Variants in FERMT2 observed in about 807,000 individuals in gnomAD.
FERMT2 encodes fermitin family homolog 2.
A neutral mutation model predicts 82.7 loss-of-function variants in FERMT2; 15 were observed. The ratio of observed to expected loss-of-function variants is 0.18; its 90% CI spans 0.12 to 0.28. The LOEUF (loss-of-function observed/expected upper bound fraction) is 0.28. Among genes scored for constraint, FERMT2 ranks in the 10% least tolerant of loss-of-function variants. The pLI is 1.00. For synonymous variants in FERMT2, 274 were observed against 271.5 expected (o/e 1.01, Z -0.09); for missense variants, 645 against 809.4 (o/e 0.80, Z 2.46).
rs1374258378 is a variant in FERMT2, at chr14:52,858,203, A to G, written c.*174T>C. 6.9e-6 allele frequency: 4 copies of G among 579,880 alleles called. No homozygotes were observed. Among genetic ancestry groups the G allele is most frequent in the Middle Eastern group, 4.5e-4 (1 of 2,200 alleles). The allele number at this position is 579,880 out of a possible 1,614,324, so 35.9% of individuals were successfully genotyped here. On this transcript the variant is annotated 3_prime_UTR_variant, in exon 15 of 15. Transcript: ENST00000341590. ...TTCAAGTTTATTATATCATAACATGATAGATTAATAGTCGTGCTTGTTTAG... is the reference window on the plus strand; with the variant it reads ...TTCAAGTTTATTATATCATAACATGGTAGATTAATAGTCGTGCTTGTTTAG...
chr14:52,933,392 A>G (rs1177750300), intron 2 of FERMT2, among the ~76,000 whole-genome samples: 1 of 152,086 alleles, frequency 6.6e-6, no homozygotes, highest in Non-Finnish European at 1.5e-5. Flanking sequence ...AAACTTGATC[A>G]GTTTATTTGT....
intron 4 of FERMT2, among the ~76,000 whole-genome samples, chr14:52,888,683 G>A (rs944643166): frequency 2.6e-5 from 4 of 152,026 alleles, no homozygotes; most frequent in Non-Finnish European, 5.9e-5. Flanking sequence ...TATGCATACC[G>A]GTCTTCACCT....
chr14:52,944,113 G>A (rs907672359), intron 2 of FERMT2, among the ~76,000 whole-genome samples: 4 of 152,098 alleles, frequency 2.6e-5, no homozygotes, highest in African/African-American at 9.7e-5. Flanking sequence ...CTTGAGTACT[G>A]TCCTCCACTT....
At chr14:52,906,956 G>C (rs867458451) in intron 3 of FERMT2, among the ~76,000 whole-genome samples, 2 of 137,762 alleles carry the variant, frequency 1.5e-5, no homozygotes, top group African/African-American at 2.7e-5. Flanking sequence ...TGGGGGGGGG[G>C]GGGGAATTTA....
At chr14:52,894,334 A>G (rs1887130434) in intron 3 of FERMT2, among the ~76,000 whole-genome samples, 1 of 152,242 alleles carries the variant, frequency 6.6e-6, no homozygotes, top group Non-Finnish European at 1.5e-5. Flanking sequence ...CAATTTTGTT[A>G]AGAAGTCAAT....
intron 12 of FERMT2, among the ~76,000 whole-genome samples, chr14:52,864,091 A>G (rs1183946719): frequency 6.6e-6 from 1 of 152,124 alleles, no homozygotes; most frequent in Non-Finnish European, 1.5e-5. Context: ...TCTTGGGACC[A>G]GAAGTATTTT....
At chr14:52,948,770 C>T (rs1207047022) in intron 2 of FERMT2, among the ~76,000 whole-genome samples, 2 of 152,100 alleles carry the variant, frequency 1.3e-5, no homozygotes, top group South Asian at 2.1e-4. Flanking sequence ...GCCTGGCTTT[C>T]GAGAACTACA....
chr14:52,878,746 C>G, intron 6 of FERMT2, 57 bp from the exon 7 acceptor site: 3 of 884,240 alleles, frequency 3.4e-6, no homozygotes, highest in Non-Finnish European at 5.1e-6. Flanking sequence ...TGAAAAATTT[C>G]AAACTCTGAA....
chr14:52,881,000 G>T, intron 6 of FERMT2, 36 bp downstream of exon 6: 2 of 1,338,188 alleles, frequency 1.5e-6, no homozygotes. Flanking sequence ...ACAAATTAAT[G>T]GGGAAAAAAA....
intron 7 of FERMT2, among the ~76,000 whole-genome samples, chr14:52,877,574 C>CTTTTTGTTTTTTTTTTTTT (rs1886041565): frequency 1.5e-5 from 1 of 67,062 alleles, no homozygotes; most frequent in Non-Finnish European, 2.5e-5. Context: ...GCTGTTCTTG[C>CTTTTTGTTTTTTTTTTTTT]TTTTTTTTTT....
chr14:52,881,739 A>G, intron 4 of FERMT2: 1 of 1,328,896 alleles, frequency 7.5e-7, no homozygotes. Context: ...GAAAATAAGG[A>G]TATAGCTGAA....
intron 13 of FERMT2, chr14:52,860,131 C>T: frequency 2.0e-6 from 1 of 505,252 alleles, no homozygotes; most frequent in African/African-American, 2.0e-5. Flanking sequence ...GTGCTATTCT[C>T]TTAGTAGTAA....
At chr14:52,906,955 G>GC (rs1214907237) in intron 3 of FERMT2, among the ~76,000 whole-genome samples, 1 of 141,698 alleles carries the variant, frequency 7.1e-6, no homozygotes, top group African/African-American at 2.6e-5. Flanking sequence ...TTGGGGGGGG[G>GC]GGGGGAATTT....
intron 6 of FERMT2, among the ~76,000 whole-genome samples, chr14:52,879,023 T>C (rs1417859141): frequency 6.6e-6 from 1 of 152,182 alleles, no homozygotes; most frequent in African/African-American, 2.4e-5. Context: ...AGAAATCTAA[T>C]TTGATGACAT....
intron 2 of FERMT2, chr14:52,948,508 T>C (rs1890465145): frequency 2.2e-6 from 1 of 446,876 alleles, no homozygotes; most frequent in Non-Finnish European, 4.5e-6. Flanking sequence ...GAGGAATCAG[T>C]ATGAATTCAG....
In FERMT2 at chr14:52,864,871, TA is replaced by T. The variant is rs1566717038; in HGVS notation, c.1274-19del. 7.2e-7 allele frequency: 1 copy of T among 1,386,898 alleles called. No individual in the cohort carries two copies. Among genetic ancestry groups the T allele is most frequent in the Non-Finnish European group, 1.0e-6 (1 of 985,246 alleles). The allele number at this position is 1,386,898 out of a possible 1,614,324, so 85.9% of individuals were successfully genotyped here. ...TTCACATCCTGTAACAAAAAATTTT[TA>T]TTAAAATGGCTAAATTTACTTTTAA... is the stretch of plus-strand genomic sequence containing the variant. On this transcript the variant is annotated intron_variant, in intron 10 of 14. Coordinates refer to ENST00000341590, the MANE Select transcript of FERMT2 (RefSeq NM_006832.3).
chr14:52,945,651 G>C (rs1373666729), intron 2 of FERMT2, among the ~76,000 whole-genome samples: 1 of 152,020 alleles, frequency 6.6e-6, no homozygotes, highest in African/African-American at 2.4e-5. Flanking sequence ...TGTGTGACTT[G>C]ATCTAACCCA....
chr14:52,906,499 A>G (rs965611550), intron 3 of FERMT2, among the ~76,000 whole-genome samples: 15 of 151,236 alleles, frequency 9.9e-5, no homozygotes, highest in African/African-American at 3.6e-4. Flanking sequence ...ATACAAAAAA[A>G]TCCAGCCACT....
chr14:52,936,134 A>T (rs1430209867), intron 2 of FERMT2, among the ~76,000 whole-genome samples: 2 of 152,318 alleles, frequency 1.3e-5, no homozygotes, highest in African/African-American at 4.8e-5. Flanking sequence ...TCAGGACAAA[A>T]TTCACCAGTT....
Sources: gnomAD v4.1 joint callset for allele counts (sites outside exome capture counted in the v4.1 genomes callset) on GRCh38, gnomAD v4.1.1 for gene constraint, MANE v1.5 for transcripts, NCBI Gene and HGNC (gene_info 2026-07-23, HGNC 2026-07-21) for gene names.